MDGA2: variants seen among roughly 807,000 people sequenced by gnomAD.
MDGA2 encodes MAM domain containing glycosylphosphatidylinositol anchor 2.
MDGA2 carries 40 observed loss-of-function variants against 117.8 expected under a neutral mutation model. That is an observed-to-expected ratio of 0.34 (90% CI 0.26 to 0.44). MDGA2 has a LOEUF of 0.44. Among genes scored for constraint, MDGA2 ranks in the 20% least tolerant of loss-of-function variants. MDGA2 has a pLI of 1.00. For synonymous variants in MDGA2, 452 were observed against 439.0 expected, an observed-to-expected ratio of 1.03 and a Z score of -0.37; for missense variants, 1,123 against 1,250.6, an observed-to-expected ratio of 0.90 and a Z score of 1.54.
intron 8 of MDGA2, among the ~76,000 whole-genome samples, chr14:46,981,672 G>T (rs945272480): frequency 2.6e-5 from 4 of 152,160 alleles, no homozygotes; most frequent in Non-Finnish European, 4.4e-5. Flanking sequence ...CAAGAAGAGC[G>T]CATCACTGTA....
At chr14:47,295,018 A>G (rs1461705919) in intron 2 of MDGA2, among the ~76,000 whole-genome samples, 1 of 152,216 alleles carries the variant, frequency 6.6e-6, no homozygotes, top group Non-Finnish European at 1.5e-5. Flanking sequence ...TTTATGCAAA[A>G]AGCAAATGCT....
chr14:47,641,197 A>G (rs1468785171), intron 1 of MDGA2, among the ~76,000 whole-genome samples: 1 of 152,130 alleles, frequency 6.6e-6, no homozygotes, highest in East Asian at 1.9e-4. Flanking sequence ...AAGTGAAGCC[A>G]AGAAGTCCAT....
intron 3 of MDGA2, among the ~76,000 whole-genome samples, chr14:47,187,093 G>C (rs1172523202): frequency 6.6e-6 from 1 of 151,732 alleles, no homozygotes; most frequent in African/African-American, 2.4e-5. Flanking sequence ...TTTCCCAATT[G>C]TAAGAAAGAG....
At chr14:47,094,739 C>T (rs1030319820) in intron 6 of MDGA2, among the ~76,000 whole-genome samples, 27 of 151,934 alleles carry the variant, frequency 1.8e-4, no homozygotes, top group African/African-American at 5.8e-4. Context: ...TTAATAATTA[C>T]AGCAAGATTT....
At chr14:47,305,371 C>T (rs1275677670) in intron 1 of MDGA2, 1 of 152,104 alleles carries the variant, frequency 6.6e-6, no homozygotes, top group African/African-American at 2.4e-5. Context: ...GCATGAGACT[C>T]ATATTCATCC....
At chr14:47,168,284 C>CAAAAA (rs563280796) in intron 3 of MDGA2, among the ~76,000 whole-genome samples, 1 of 60,176 alleles carries the variant, frequency 1.7e-5, no homozygotes, top group East Asian at 6.9e-4. Flanking sequence ...AACTCCATCT[C>CAAAAA]AAAAAAAAAA....
At chr14:47,627,155 C>G (rs1487199704) in intron 1 of MDGA2, among the ~76,000 whole-genome samples, 1 of 151,808 alleles carries the variant, frequency 6.6e-6, no homozygotes, top group African/African-American at 2.4e-5. Context: ...AATCAGCACT[C>G]TGTATCTAGC....
intron 8 of MDGA2, among the ~76,000 whole-genome samples, chr14:46,991,891 G>A (rs1887105476): frequency 2.0e-5 from 3 of 152,068 alleles, no homozygotes; most frequent in Admixed American, 2.0e-4. Context: ...CAGAATTCAG[G>A]ATAAGACTCT....
At chr14:47,494,348 C>A (rs538738843) in intron 1 of MDGA2, among the ~76,000 whole-genome samples, 1 of 152,266 alleles carries the variant, frequency 6.6e-6, no homozygotes, top group African/African-American at 2.4e-5. Flanking sequence ...TCTATAATCA[C>A]CATAGTTTGG....
chr14:47,376,834 G>T (rs1156978060), intron 1 of MDGA2, among the ~76,000 whole-genome samples: 3 of 152,122 alleles, frequency 2.0e-5, no homozygotes, highest in Non-Finnish European at 2.9e-5. Context: ...GCCTTGAGGG[G>T]TTTCAAAATC....
intron 1 of MDGA2, among the ~76,000 whole-genome samples, chr14:47,403,050 A>C (rs916028060): frequency 6.6e-6 from 1 of 152,152 alleles, no homozygotes; most frequent in Non-Finnish European, 1.5e-5. Context: ...CATGTTAAAA[A>C]CAGCAGACTT....
chr14:47,481,495 G>A (rs1480935421), intron 1 of MDGA2, among the ~76,000 whole-genome samples: 1 of 151,922 alleles, frequency 6.6e-6, no homozygotes, highest in Non-Finnish European at 1.5e-5. Flanking sequence ...CTAATGTAAT[G>A]TTTCTCTGTG....
intron 11 of MDGA2, among the ~76,000 whole-genome samples, chr14:46,881,773 C>T (rs1882469372): frequency 6.6e-6 from 1 of 151,954 alleles, no homozygotes; most frequent in Non-Finnish European, 1.5e-5. Flanking sequence ...TGTATTATAA[C>T]TTGTAGGATC....
At chr14:47,183,480 A>G (rs1033506825) in intron 3 of MDGA2, among the ~76,000 whole-genome samples, 1 of 152,106 alleles carries the variant, frequency 6.6e-6, no homozygotes, top group African/African-American at 2.4e-5. Flanking sequence ...GGTTGATAAG[A>G]TGGTTCATGA....
chr14:47,109,932 G>A lies in MDGA2; in HGVS notation c.926-12809C>T, dbSNP rs142991923. ...CTGCACTCCAGCCTAGGGAGACAGC[G>A]AGACTTTGTTTCAAAAACTACAGAA... On this transcript the variant is annotated intron_variant, in intron 5 of 16. Transcript: ENST00000399232. Among the ~76,000 whole-genome samples, 165 of 152,200 alleles carry A rather than the reference G, an allele frequency of 1.1e-3. 2 individuals are homozygous for A. In the East Asian group the frequency reaches 0.022, roughly 20 times the overall value.
At chr14:47,522,337 G>GTATGTGTA (rs1566496996) in intron 1 of MDGA2, among the ~76,000 whole-genome samples, 1 of 109,384 alleles carries the variant, frequency 9.1e-6, no homozygotes, top group East Asian at 3.4e-4. Flanking sequence ...GTGTATGTGT[G>GTATGTGTA]TATATATGTA....
chr14:47,127,382 G>C (rs1281742208), intron 5 of MDGA2, among the ~76,000 whole-genome samples: 1 of 152,012 alleles, frequency 6.6e-6, no homozygotes, highest in Non-Finnish European at 1.5e-5. Flanking sequence ...TATACCCTGT[G>C]TATTTTGAAA....
chr14:47,045,858 G>T (rs1163756431), intron 7 of MDGA2, among the ~76,000 whole-genome samples: 4 of 151,922 alleles, frequency 2.6e-5, no homozygotes, highest in African/African-American at 9.7e-5. Flanking sequence ...ACAGCTACTT[G>T]GGAGGCTGAG....
At chr14:47,198,145 C>T (rs1885356754) in intron 3 of MDGA2, among the ~76,000 whole-genome samples, 1 of 152,136 alleles carries the variant, frequency 6.6e-6, no homozygotes, top group Non-Finnish European at 1.5e-5. Context: ...TGTCTTCATA[C>T]ATTTGCATTG....
Sources: gnomAD v4.1 joint callset for allele counts (sites outside exome capture counted in the v4.1 genomes callset) on GRCh38, gnomAD v4.1.1 for gene constraint, MANE v1.5 for transcripts, NCBI Gene and HGNC (gene_info 2026-07-23, HGNC 2026-07-21) for gene names.